Variants in AKAP6 observed in about 807,000 individuals in gnomAD.
AKAP6 encodes the protein A-kinase anchor protein 6.
In AKAP6, 58 loss-of-function variants were observed where a neutral mutation model predicts 188.5. The observed-to-expected ratio is 0.31, with a 90% CI of 0.25 to 0.38. The LOEUF is 0.38. Ranked by LOEUF, AKAP6 falls within the 10% of genes least tolerant of loss-of-function variation. The probability of loss-of-function intolerance (pLI) is 1.00; values close to 1 mark genes in which losing one functional copy is unlikely to be tolerated. For synonymous variants in AKAP6, 989 were observed against 998.6 expected, an observed-to-expected ratio of 0.99 and a Z score of 0.18; for missense variants, 2,710 against 2,740.0, an observed-to-expected ratio of 0.99 and a Z score of 0.24.
chr14:32,810,156 C>T (rs908046983), intron 12 of AKAP6, among the ~76,000 whole-genome samples: 2 of 152,076 alleles, frequency 1.3e-5, no homozygotes, highest in Non-Finnish European at 2.9e-5. Flanking sequence ...GTTGCTAGCT[C>T]AAGGCCCCAT....
chr14:32,504,105 A>C (rs11620694), intron 2 of AKAP6, among the ~76,000 whole-genome samples: 60,487 of 151,670 alleles, frequency 0.4, 12,325 homozygotes, highest in African/African-American at 0.42. Context: ...AAATTATTCC[A>C]TAGTACTTTA....
chr14:32,535,522 G>C lies in AKAP6; in HGVS notation c.325-32G>C, dbSNP rs1956998. On this transcript the variant is annotated intron_variant, in intron 2 of 13. Coordinates refer to ENST00000280979, the MANE Select transcript of AKAP6 (RefSeq NM_004274.5). ...CCTCCCTCCAGGATAAGGCAAAGTA[G>C]TCCTCACATATGTTGCTTTTCTTTA... 9.5e-4 allele frequency: 1,511 copies of C among 1,595,456 alleles called. 11 individuals are homozygous for C. In the African/African-American group the frequency reaches 0.017, roughly 17 times the overall value.
At chr14:32,481,635 C>T (rs1957031) in intron 2 of AKAP6, among the ~76,000 whole-genome samples, 105,243 of 151,876 alleles carry the variant, frequency 0.69, 37,389 homozygotes, top group East Asian at 0.89. Context: ...AAACTGCCCC[C>T]ATGATTCAAT....
rs574340956 is a variant in AKAP6 at position 32,547,198 on chromosome 14, G to C, written c.2346+199G>C. 2.6e-5 allele frequency among the ~76,000 whole-genome samples: 4 copies of C among 152,354 alleles called. No individual in the cohort carries two copies. The South Asian group carries it at 8.3e-4, about 32-fold the overall frequency. ...GAATCACTAGGAATTGCCCTTGTCA[G>C]TGCATTAGCTTGATGTGCTCCTGCC... On this transcript the variant is annotated intron_variant, in intron 4 of 13. Coordinates refer to ENST00000280979, the MANE Select transcript of AKAP6 (RefSeq NM_004274.5).
chr14:32,760,224 A>G (rs1405569342), intron 11 of AKAP6, among the ~76,000 whole-genome samples: 4 of 152,228 alleles, frequency 2.6e-5, no homozygotes, highest in Non-Finnish European at 5.9e-5. Flanking sequence ...TTAATCAGAG[A>G]AGATGAGAAC....
At chr14:32,536,228 A>G (rs74838436) in intron 3 of AKAP6, among the ~76,000 whole-genome samples, 2,285 of 152,344 alleles carry the variant, frequency 0.015, 63 homozygotes, top group African/African-American at 0.052. Flanking sequence ...ATAAGTCTAC[A>G]AGATGCCATT....
intron 1 of AKAP6, among the ~76,000 whole-genome samples, chr14:32,410,012 A>T (rs1294267601): frequency 5.3e-5 from 8 of 152,166 alleles, no homozygotes; most frequent in Admixed American, 3.3e-4. Context: ...TGACTCTGGC[A>T]TAACATCACA....
intron 2 of AKAP6, among the ~76,000 whole-genome samples, chr14:32,476,003 A>G (rs1422765306): frequency 6.6e-6 from 1 of 152,036 alleles, no homozygotes; most frequent in African/African-American, 2.4e-5. Context: ...TTAACTACTC[A>G]TAAAAATGTT....
chr14:32,518,150 C>T (rs776541546), intron 2 of AKAP6, among the ~76,000 whole-genome samples: 1 of 151,740 alleles, frequency 6.6e-6, no homozygotes, highest in Non-Finnish European at 1.5e-5. Flanking sequence ...AGAAGGAAAA[C>T]TAACAAACAG....
intron 7 of AKAP6, among the ~76,000 whole-genome samples, chr14:32,661,846 A>G (rs1888713610): frequency 6.6e-6 from 1 of 152,178 alleles, no homozygotes; most frequent in African/African-American, 2.4e-5. Context: ...ATGACACCTG[A>G]TCTACCTGTG....
intron 3 of AKAP6, among the ~76,000 whole-genome samples, chr14:32,540,233 C>T (rs1484871247): frequency 6.9e-6 from 1 of 145,850 alleles, no homozygotes; most frequent in Non-Finnish European, 1.5e-5. Context: ...AAGTCTCACT[C>T]TGTTTCCCAG....
intron 4 of AKAP6, among the ~76,000 whole-genome samples, chr14:32,559,626 G>A (rs1883845939): frequency 1.3e-5 from 2 of 151,984 alleles, no homozygotes; most frequent in Admixed American, 1.3e-4. Context: ...AACTGTGACT[G>A]CAAATTACAA....
At chr14:32,385,341 C>T (rs1191593674) in intron 1 of AKAP6, among the ~76,000 whole-genome samples, 23 of 151,258 alleles carry the variant, frequency 1.5e-4, no homozygotes, top group Non-Finnish European at 5.9e-5. Context: ...AACAGAAGTT[C>T]TGTTTTTACT....
chr14:32,621,125 T>A (rs1281614975), intron 7 of AKAP6, among the ~76,000 whole-genome samples: 1 of 152,084 alleles, frequency 6.6e-6, no homozygotes, highest in Non-Finnish European at 1.5e-5. Context: ...TTCAAAGAAC[T>A]AACTTTTCAT....
chr14:32,418,956 T>C (rs187890339), intron 1 of AKAP6, among the ~76,000 whole-genome samples: 1 of 152,296 alleles, frequency 6.6e-6, no homozygotes, highest in Admixed American at 6.5e-5. Context: ...CTATGATATG[T>C]AACTTAAATT....
chr14:32,578,026 T>C (rs554393327), intron 5 of AKAP6, among the ~76,000 whole-genome samples: 1 of 152,230 alleles, frequency 6.6e-6, no homozygotes, highest in South Asian at 2.1e-4. Context: ...CTTTCACTGA[T>C]AGCATAAAAT....
chr14:32,547,572 G>A (rs1448555130), intron 4 of AKAP6, among the ~76,000 whole-genome samples: 1 of 152,080 alleles, frequency 6.6e-6, no homozygotes, highest in Non-Finnish European at 1.5e-5. Context: ...ATGTGAAGTT[G>A]ACATTTTGGC....
At chr14:32,652,682 T>C (rs1238578961) in intron 7 of AKAP6, among the ~76,000 whole-genome samples, 1 of 152,218 alleles carries the variant, frequency 6.6e-6, no homozygotes, top group Non-Finnish European at 1.5e-5. Flanking sequence ...GCTCTACTGC[T>C]ATCCCCTAGG....
intron 2 of AKAP6, among the ~76,000 whole-genome samples, chr14:32,447,020 T>G (rs917644059): frequency 1.3e-5 from 2 of 152,164 alleles, no homozygotes; most frequent in African/African-American, 4.8e-5. Flanking sequence ...TTTCCTCTCC[T>G]CATGTTATGA....
Sources: gnomAD v4.1 joint callset for allele counts (sites outside exome capture counted in the v4.1 genomes callset) on GRCh38, gnomAD v4.1.1 for gene constraint, MANE v1.5 for transcripts, NCBI Gene and HGNC (gene_info 2026-07-23, HGNC 2026-07-21) for gene names.